ECRG4: variants seen among roughly 807,000 people sequenced by gnomAD.
ECRG4 encodes augurin.
In ECRG4, 18 loss-of-function variants were observed where a neutral mutation model predicts 15.8. The ratio of observed to expected loss-of-function variants is 1.14; its 90% CI spans 0.79 to 1.69. The LOEUF is 1.69. Among genes scored for constraint, ECRG4 ranks in the 40% most tolerant of loss-of-function variants. ECRG4 has a pLI of 0.00. For missense variants in ECRG4, 200 were observed against 190.9 expected, an observed-to-expected ratio of 1.05 and a Z score of -0.28; for synonymous variants, 82 against 73.9, an observed-to-expected ratio of 1.11 and a Z score of -0.56.
chr2:106,076,672 A>C (rs1166579139), intron 3 of ECRG4, among the ~76,000 whole-genome samples: 2 of 152,190 alleles, frequency 1.3e-5, no homozygotes, highest in African/African-American at 4.8e-5. Context: ...AGTCTTGTTA[A>C]AATAACAACA....
intron 2 of ECRG4, among the ~76,000 whole-genome samples, chr2:106,073,316 C>T (rs909667472): frequency 1.3e-5 from 2 of 152,148 alleles, no homozygotes; most frequent in Non-Finnish European, 2.9e-5. Flanking sequence ...GACTGTGAGG[C>T]GCAGAGAGGC....
At chr2:106,068,661 C>T (rs1159187951) in intron 1 of ECRG4, among the ~76,000 whole-genome samples, 1 of 152,214 alleles carries the variant, frequency 6.6e-6, no homozygotes, top group Non-Finnish European at 1.5e-5. Context: ...AGCACTTTCA[C>T]AGAAGGCAAA....
chr2:106,065,708 T>G lies in ECRG4; in HGVS notation c.-57T>G. ...CTCGCACCCCTCTCCCGCGCCCGGT[T>G]CTCCCTCGCAGCACCTCGAAGTGCG... is the stretch of plus-strand genomic sequence containing the variant. On this transcript the variant is annotated 5_prime_UTR_variant, in exon 1 of 4. Coordinates refer to ENST00000238044, the MANE Select transcript of ECRG4 (RefSeq NM_032411.3). 7.4e-7 allele frequency: 1 copy of G among 1,356,090 alleles called. No individual in the cohort carries two copies. The highest frequency in any genetic ancestry group is 9.7e-7 in the Non-Finnish European group (1 of 1,029,662). 84.0% of individuals were successfully genotyped at this position (1,356,090 alleles called of 1,614,324 possible).
rs117849769 is a variant in ECRG4, at chr2:106,077,784, C to T, written c.305C>T (p.Thr102Ile). 1.2e-5 allele frequency: 19 copies of T among 1,613,948 alleles called. No homozygotes were observed. The East Asian group carries it at 3.6e-4, about 30-fold the overall frequency. The change falls in exon 4 of 4, where the codon ACC becomes ATC. Residue 102 changes from threonine to isoleucine, a missense_variant. Physicochemically the swap from Thr to Ile is moderately conservative, Grantham distance 89 (BLOSUM62 -1). Coordinates refer to ENST00000238044, the MANE Select transcript of ECRG4 (RefSeq NM_032411.3). ...CTCCAGAAATTTGAAGATGACATCA[C>T]CTATTGGCTTAACAGAGATCGAAAT... Reference protein sequence around the residue: ...FDEAKFEDDITYWLNRDRNGH... With the variant: ...FDEAKFEDDIIYWLNRDRNGH...
upstream of ECRG4, among the ~76,000 whole-genome samples, chr2:106,064,673 G>C (rs1016631309): frequency 2.6e-5 from 4 of 152,252 alleles, no homozygotes; most frequent in East Asian, 1.9e-4. Flanking sequence ...GTGAAACTCC[G>C]TCTCAGGGAG....
chr2:106,073,886 C>T lies in ECRG4; in HGVS notation c.128C>T (p.Ala43Val). The T allele has an allele frequency of 6.2e-7, 1 of 1,614,030 alleles. No individual in the cohort carries two copies. The highest frequency in any genetic ancestry group is 8.5e-7 in the Non-Finnish European group (1 of 1,179,882). ...KLKLMLQKREAPVPTKTKVAV... is the reference protein window; with the variant it reads ...KLKLMLQKREVPVPTKTKVAV... ...GGGGATGGGGAATTGATGATTTCAG[C>T]ACCTGTTCCAACTAAGACTAAAGTG... Residue 43 changes from alanine (A) to valine (V), a missense_variant and splice_region_variant, in exon 3 of 4, where the codon GCA (alanine) becomes GTA (valine). By Grantham distance (64) the Ala-to-Val change is moderately conservative. Transcript: ENST00000238044.
intron 1 of ECRG4, chr2:106,070,895 T>C (rs746961509): frequency 2.1e-6 from 1 of 471,144 alleles, no homozygotes; most frequent in South Asian, 1.5e-5. Flanking sequence ...ACACCCGAAG[T>C]TGCTCTACTC....
At chr2:106,063,644 G>A (rs138686664), upstream of ECRG4, among the ~76,000 whole-genome samples, 934 of 152,208 alleles carry the variant, frequency 6.1e-3, 8 homozygotes, top group Non-Finnish European at 0.01. Context: ...GTGCAGTGGC[G>A]CAATCTCGGC....
rs368376718 is a variant in ECRG4, at chr2:106,075,440, G to A, written c.285+1397G>A. Among the ~76,000 whole-genome samples, 62 of 152,344 alleles carry A rather than the reference G, an allele frequency of 4.1e-4. No homozygotes were observed. In the South Asian group the frequency reaches 9.9e-3, roughly 24 times the overall value. On this transcript the variant is annotated intron_variant, in intron 3 of 3. Transcript: ENST00000238044. ...TGGGCATTAGGAGTTTAACATGCAG[G>A]GACGGGCATGGTGGCTCATGCCTGT...
At position 106,065,781 on chromosome 2, in the gene ECRG4, C is replaced by A; in HGVS notation, c.17C>A (p.Ala6Glu). Residue 6 changes from alanine to glutamate, a missense_variant, in exon 1 of 4, where the codon GCG becomes GAG. Transcript: ENST00000238044. ...CCCGCCGCCATGGCTGCCTCCCCCG[C>A]GCGGCCTGCTGTCCTGGCCCTGACC... The part of the protein sequence containing the change: MAASP[A>E]RPAVLALTGL... 1 of 1,483,378 alleles carries A rather than the reference C, an allele frequency of 6.7e-7. No individual in the cohort carries two copies. The highest frequency in any genetic ancestry group is 8.9e-7 in the Non-Finnish European group (1 of 1,123,542). The allele number at this position is 1,483,378 out of a possible 1,614,324, so 91.9% of individuals were successfully genotyped here. A position where few individuals can be genotyped will look rare whatever the true frequency, so the allele number is the denominator to read the frequency against.
Position 106,073,925 on chromosome 2 carries a change from A to AT in ECRG4, c.168dup (p.Lys57Ter). On this transcript the variant is annotated frameshift_variant, in exon 3 of 4. Transcript: ENST00000238044. LOFTEE classifies it high-confidence loss of function. ...AAGACTAAAGTGGCCGTTGATGAGA[A>AT]TAAAGCCAAAGAATTCCTTGGCAGC... 1 of 1,614,258 alleles carries AT rather than the reference A, an allele frequency of 6.2e-7. No individual in the cohort carries two copies. The highest frequency in any genetic ancestry group is 1.3e-5 in the African/African-American group (1 of 75,060).
chr2:106,077,650 G>A (rs575651800), intron 3 of ECRG4, 115 bp from the exon 4 acceptor site: 3 of 905,660 alleles, frequency 3.3e-6, no homozygotes, highest in Admixed American at 2.3e-5. Context: ...AGTTACTAAG[G>A]GTTGTTAATC....
At chr2:106,072,183 C>A in intron 2 of ECRG4, 1 of 291,392 alleles carries the variant, frequency 3.4e-6, no homozygotes, top group Non-Finnish European at 6.4e-6. Flanking sequence ...ATTTTAGGAC[C>A]ATGGAGCACT....
At chr2:106,073,526 G>A (rs1676415565) in intron 2 of ECRG4, among the ~76,000 whole-genome samples, 1 of 152,208 alleles carries the variant, frequency 6.6e-6, no homozygotes, top group Non-Finnish European at 1.5e-5. Context: ...TAGATATCCA[G>A]TCTGTTTCCT....
At chr2:106,069,161 TTTC>T (rs1210086575) in intron 1 of ECRG4, among the ~76,000 whole-genome samples, 1 of 136,390 alleles carries the variant, frequency 7.3e-6, no homozygotes, top group Non-Finnish European at 1.6e-5. Context: ...TCTTTCTTTC[TTTC>T]TTTCTTTTTT....
Position 106,071,322 on chromosome 2 carries a change from T to TAAAAAAAAAA in ECRG4, c.80-501_80-492dup, listed in dbSNP as rs10649647. On this transcript the variant is annotated intron_variant, in intron 1 of 3. Transcript: ENST00000238044. ...ACCCTCTCAGTGATGGGTAAGGCTG[T>TAAAAAAAAAA]AAAAAAAAAAAAAAAAAAAAAAAAA... Among the ~76,000 whole-genome samples the TAAAAAAAAAA allele has an allele frequency of 7.2e-3, 563 of 78,246 alleles. 4 individuals are homozygous for TAAAAAAAAAA. Among genetic ancestry groups the TAAAAAAAAAA allele is most frequent in the Non-Finnish European group, 9.2e-3 (397 of 43,366 alleles). The allele number at this position is 78,246 out of a possible 152,430, so 51.3% of individuals were successfully genotyped here. A position where few individuals can be genotyped will look rare whatever the true frequency, so the allele number is the denominator to read the frequency against.
intron 1 of ECRG4, among the ~76,000 whole-genome samples, chr2:106,071,564 T>G (rs148781408): frequency 6.6e-6 from 1 of 152,258 alleles, no homozygotes; most frequent in East Asian, 1.9e-4. Context: ...CTGCGCCTCG[T>G]AGTAAGACAC....
chr2:106,071,342 AAAAAAAAAAAG>A (rs1427038132), intron 1 of ECRG4, among the ~76,000 whole-genome samples: 33 of 145,392 alleles, frequency 2.3e-4, no homozygotes, highest in African/African-American at 7.0e-4. Flanking sequence ...AAAAAAAAAA[AAAAAAAAAAAG>A]AAAGAAAGAA....
In ECRG4 at chr2:106,077,828, G is replaced by A. The variant is rs146511853; in HGVS notation, c.349G>A (p.Asp117Asn). 26 of 1,613,924 alleles carry A rather than the reference G, an allele frequency of 1.6e-5. No individual in the cohort carries two copies. In the Admixed American group the frequency reaches 3.5e-4, roughly 22 times the overall value. Residue 117 changes from aspartate (D) to asparagine (N), a missense_variant, in exon 4 of 4, where the codon GAT (aspartate) becomes AAT (asparagine). Physicochemically the swap from Asp to Asn is conservative, Grantham distance 23. Coordinates refer to ENST00000238044, the MANE Select transcript of ECRG4 (RefSeq NM_032411.3). The stretch of plus-strand genomic sequence containing the variant: ...TCGAAATGGACATGAATACTATGGC[G>A]ATTACTACCAACGTCACTATGATGA... ...RDRNGHEYYG[D>N]YYQRHYDEDS...
Sources: gnomAD v4.1 joint callset for allele counts (sites outside exome capture counted in the v4.1 genomes callset) on GRCh38, gnomAD v4.1.1 for gene constraint, MANE v1.5 for transcripts, NCBI Gene and HGNC (gene_info 2026-07-23, HGNC 2026-07-21) for gene names.